Variants in PPP6R3 observed in about 807,000 individuals in gnomAD.
PPP6R3 encodes the protein serine/threonine-protein phosphatase 6 regulatory subunit 3.
PPP6R3 carries 38 observed loss-of-function variants against 110.7 expected under a neutral mutation model. The observed-to-expected ratio is 0.34, with a 90% confidence interval of 0.26 to 0.45. The LOEUF (loss-of-function observed/expected upper bound fraction) is 0.45, where lower values mean the gene tolerates loss of function less well. Ranked by LOEUF, PPP6R3 falls within the 20% of genes least tolerant of loss-of-function variation. PPP6R3 has a pLI of 1.00. For synonymous variants in PPP6R3, 369 were observed against 373.5 expected, an observed-to-expected ratio of 0.99 and a Z score of 0.14; for missense variants, 870 against 1,062.4, an observed-to-expected ratio of 0.82 and a Z score of 2.52.
chr11:68,578,802 A>G (rs2099541876), intron 14 of PPP6R3, among the ~76,000 whole-genome samples: 1 of 152,214 alleles, frequency 6.6e-6, no homozygotes, highest in African/African-American at 2.4e-5. Context: ...AAATACGTGC[A>G]CAGCAGATTC....
intron 2 of PPP6R3, among the ~76,000 whole-genome samples, chr11:68,521,742 G>GA (rs2099165217): frequency 6.6e-6 from 1 of 152,212 alleles, no homozygotes; most frequent in Non-Finnish European, 1.5e-5. Flanking sequence ...TATATACCAA[G>GA]AGACACAACA....
intron 22 of PPP6R3, among the ~76,000 whole-genome samples, chr11:68,606,927 A>G (rs1467079858): frequency 6.6e-6 from 1 of 152,216 alleles, no homozygotes; most frequent in African/African-American, 2.4e-5. Context: ...AAAAATCAGT[A>G]GTCTTTTTCT....
intron 3 of PPP6R3, among the ~76,000 whole-genome samples, chr11:68,541,683 T>C (rs1565710751): frequency 6.6e-6 from 1 of 152,074 alleles, no homozygotes; most frequent in Non-Finnish European, 1.5e-5. Flanking sequence ...GCAGAGCTGA[T>C]GGAGCTAGAA....
intron 3 of PPP6R3, among the ~76,000 whole-genome samples, chr11:68,540,107 G>T (rs2099304040): frequency 6.6e-6 from 1 of 152,222 alleles, no homozygotes; most frequent in Non-Finnish European, 1.5e-5. Flanking sequence ...GCCATGCAAG[G>T]CCTGGTAGGC....
intron 1 of PPP6R3, among the ~76,000 whole-genome samples, chr11:68,462,386 G>A (rs774996898): frequency 6.6e-6 from 1 of 152,154 alleles, no homozygotes; most frequent in Admixed American, 6.6e-5. Context: ...ATTTACCGGA[G>A]TAATTAATGA....
intron 18 of PPP6R3, among the ~76,000 whole-genome samples, chr11:68,592,008 G>A (rs986937570): frequency 5.9e-5 from 9 of 152,192 alleles, no homozygotes; most frequent in Non-Finnish European, 7.4e-5. Context: ...TAAATGTTCC[G>A]TCATCAGTAA....
intron 1 of PPP6R3, among the ~76,000 whole-genome samples, chr11:68,518,244 A>T (rs1175641554): frequency 6.6e-6 from 1 of 152,244 alleles, no homozygotes; most frequent in African/African-American, 2.4e-5. Flanking sequence ...TGGCAAATAT[A>T]ATTTTAACCA....
In PPP6R3 at chr11:68,579,707, A is replaced by G. The variant is rs191629326; in HGVS notation, c.1546-3336A>G. 2.9e-4 allele frequency among the ~76,000 whole-genome samples: 44 copies of G among 152,382 alleles called. No homozygotes were observed. The East Asian group carries it at 6.9e-3, about 24-fold the overall frequency. ...GCACTGCATAATGTTTCGGTCAGCA[A>G]TAGACCGCATATATGACAGTAGTCC... On this transcript the variant is annotated intron_variant, in intron 14 of 23. Coordinates refer to ENST00000393800, the MANE Select transcript of PPP6R3 (RefSeq NM_001164161.2).
At chr11:68,534,496 A>G (rs1565663254) in intron 2 of PPP6R3, among the ~76,000 whole-genome samples, 1 of 152,144 alleles carries the variant, frequency 6.6e-6, no homozygotes, top group East Asian at 1.9e-4. Context: ...CCAGTGTTTA[A>G]TGAGTTTCCT....
At chr11:68,581,423 TAGAC>T (rs1379748908) in intron 14 of PPP6R3, among the ~76,000 whole-genome samples, 4 of 152,254 alleles carry the variant, frequency 2.6e-5, no homozygotes, top group African/African-American at 4.8e-5. Flanking sequence ...TATTTTAACT[TAGAC>T]AGCAAGACTT....
chr11:68,478,572 C>A (rs998375117), intron 1 of PPP6R3, among the ~76,000 whole-genome samples: 1 of 148,420 alleles, frequency 6.7e-6, no homozygotes, highest in Admixed American at 6.7e-5. Context: ...TTTAGGCGTG[C>A]CTTTTGAAAG....
chr11:68,509,445 T>C (rs1374729307), intron 1 of PPP6R3, among the ~76,000 whole-genome samples: 6 of 150,792 alleles, frequency 4.0e-5, no homozygotes, highest in Admixed American at 6.6e-5. Context: ...TTAAAGCAGA[T>C]TTTATTTTTT....
At chr11:68,491,414 A>T (rs969722577) in intron 1 of PPP6R3, among the ~76,000 whole-genome samples, 40 of 148,420 alleles carry the variant, frequency 2.7e-4, no homozygotes, top group Non-Finnish European at 5.9e-4. Flanking sequence ...CCCAGGCTGG[A>T]GTGCAGTGGT....
chr11:68,528,397 T>C (rs2099212548), intron 2 of PPP6R3, among the ~76,000 whole-genome samples: 1 of 136,102 alleles, frequency 7.3e-6, no homozygotes, highest in South Asian at 2.6e-4. Flanking sequence ...ATATTGACTC[T>C]AGTAGGCACC....
intron 1 of PPP6R3, among the ~76,000 whole-genome samples, chr11:68,474,311 G>T (rs1436506285): frequency 6.6e-6 from 1 of 152,172 alleles, no homozygotes; most frequent in Non-Finnish European, 1.5e-5. Flanking sequence ...CTCTCAAAGT[G>T]TTGGGATTAC....
At chr11:68,496,742 A>G (rs1044229262) in intron 1 of PPP6R3, among the ~76,000 whole-genome samples, 1 of 151,458 alleles carries the variant, frequency 6.6e-6, no homozygotes, top group African/African-American at 2.4e-5. Context: ...AAGTACTGGG[A>G]TTACAATTAC....
intron 1 of PPP6R3, among the ~76,000 whole-genome samples, chr11:68,466,902 C>T (rs915110686): frequency 1.4e-4 from 21 of 146,852 alleles, no homozygotes; most frequent in Middle Eastern, 7.6e-3. Context: ...CGTGAGCCAC[C>T]GCGCCTGGCC....
intron 18 of PPP6R3, among the ~76,000 whole-genome samples, chr11:68,592,563 C>T (rs1459731535): frequency 6.6e-6 from 1 of 152,140 alleles, no homozygotes; most frequent in Non-Finnish European, 1.5e-5. Flanking sequence ...TCAGCGGTGG[C>T]TTGAGCAAGT....
chr11:68,493,639 A>AAAT (rs2098997584), intron 1 of PPP6R3, among the ~76,000 whole-genome samples: 2 of 142,758 alleles, frequency 1.4e-5, no homozygotes, highest in Non-Finnish European at 3.0e-5. Flanking sequence ...ATATATATAA[A>AAAT]ATATATATAC....
Sources: allele counts gnomAD v4.1 joint callset (sites outside exome capture counted in the v4.1 genomes callset), GRCh38; gene constraint gnomAD v4.1.1; transcripts MANE v1.5; gene names NCBI Gene and HGNC (gene_info 2026-07-23, HGNC 2026-07-21).